The following RUNDC3A variants were observed in gnomAD, a reference collection of about 807,000 sequenced individuals.
RUNDC3A encodes the protein RUN domain containing 3A.
A neutral mutation model predicts 53.9 loss-of-function variants in RUNDC3A; 28 were observed. That is an observed-to-expected ratio of 0.52 (90% CI 0.38 to 0.71). The LOEUF is 0.71. RUNDC3A is among the 30% of genes least tolerant of loss of function. The pLI is 0.00. For synonymous variants in RUNDC3A, 232 were observed against 249.4 expected (o/e 0.93, Z 0.66); for missense variants, 491 against 597.3 (o/e 0.82, Z 1.85).
At chr17:44,316,315 C>T (rs1445807685) in intron 8 of RUNDC3A, 70 bp from the exon 9 acceptor site, 3 of 1,456,750 alleles carry the variant, frequency 2.1e-6, no homozygotes, top group South Asian at 2.4e-5. Context: ...CCTCCCTCAT[C>T]CCCTTGCTGA....
In RUNDC3A at chr17:44,315,109, G is replaced by C. The variant is rs750615224; in HGVS notation, c.630-46G>C. 6.2e-7 allele frequency: 1 copy of C among 1,600,530 alleles called. No individual in the cohort carries two copies. The highest frequency in any genetic ancestry group is 1.7e-4 in the Middle Eastern group (1 of 5,986). On this transcript the variant is annotated intron_variant, in intron 6 of 10. Transcript: ENST00000426726. The surrounding 1 kb of genome is among the most constrained non-coding windows in gnomAD (Gnocchi z 6.1). ...CCCTCAGCGGCCAGCGCAGACGCGC[G>C]GGGGGAGGGGCGGGACCGGCCGTGC...
intron 4 of RUNDC3A, 53 bp from the exon 5 acceptor site, chr17:44,314,682 G>GC (rs1393771783): frequency 5.5e-6 from 7 of 1,268,302 alleles, no homozygotes; most frequent in East Asian, 5.3e-5. Flanking sequence ...TCTGGGGGGG[G>GC]GGGGGGCGCT....
rs770957746 is a variant in RUNDC3A, at chr17:44,313,421, C to T, written c.376C>T (p.Arg126Trp). 4 of 1,613,808 alleles carry T rather than the reference C, an allele frequency of 2.5e-6. No homozygotes were observed. Among genetic ancestry groups the T allele is most frequent in the Non-Finnish European group, 2.5e-6 (3 of 1,179,862 alleles). The change falls in exon 4 of 11, where the codon CGG (arginine) becomes TGG (tryptophan). Residue 126 changes from arginine to tryptophan, a missense_variant. Transcript: ENST00000426726. ...TAAAGGTGAACATGATTTCCAGGGC[C>T]GGGCATGGATCCGGGTGGCACTGAT... The part of the protein sequence containing the change: ...ENISTARAKG[R>W]AWIRVALMEK...
In RUNDC3A at chr17:44,312,389, C is replaced by A. The variant is rs2047765015; in HGVS notation, c.108-191C>A. On this transcript the variant is annotated intron_variant, in intron 1 of 10. Coordinates refer to ENST00000426726, the MANE Select transcript of RUNDC3A (RefSeq NM_001144825.2). ...GTCACCCTTCCTCCCCATCTGCCAC[C>A]CTCTCACTCCACATGACACGGTACC... Among the ~76,000 whole-genome samples the A allele has an allele frequency of 2.0e-5, 3 of 152,230 alleles. No homozygotes were observed. In the Middle Eastern group the frequency reaches 0.01, roughly 518 times the overall value.
chr17:44,316,571 GGAA>G (rs1200427723), intron 9 of RUNDC3A, 45 bp from the exon 10 acceptor site: 2 of 1,582,504 alleles, frequency 1.3e-6, no homozygotes, highest in Admixed American at 1.8e-5. Flanking sequence ...GTCGTCCTGG[GGAA>G]GAAGGGCTTC....
rs2047769677 is a variant in RUNDC3A at position 44,312,609 on chromosome 17, A to G, written c.137A>G (p.Tyr46Cys). 3.8e-6 allele frequency: 6 copies of G among 1,579,596 alleles called. No homozygotes were observed. The highest frequency in any genetic ancestry group is 5.2e-6 in the Non-Finnish European group (6 of 1,163,054). ...TCTGTGAAAACGCTGCTGGAGAAGTACACAGCGGAGCCCATCGATGACTCA... is the reference window on the plus strand; with the variant it reads ...TCTGTGAAAACGCTGCTGGAGAAGTGCACAGCGGAGCCCATCGATGACTCA... ...RFSVKTLLEK[Y>C]TAEPIDDSSE... The change falls in exon 2 of 11, where the codon TAC becomes TGC. Residue 46 changes from tyrosine to cysteine, a missense_variant. Around this residue, in one of 2 missense-constraint regions of RUNDC3A, gnomAD observed 273 missense variants for 389.0 expected, o/e 0.70. Coordinates refer to ENST00000426726, the MANE Select transcript of RUNDC3A (RefSeq NM_001144825.2).
chr17:44,315,713 G>A lies in RUNDC3A; in HGVS notation c.953+104G>A, dbSNP rs968855000. On this transcript the variant is annotated intron_variant, in intron 8 of 10. Transcript: ENST00000426726. This position sits in a 1 kb window ranked among gnomAD's most constrained non-coding sequence, Gnocchi z 6.1. ...TCGACTCTAACATCACCCGACACGA[G>A]CACCCACCTCTCCAGCATCAACCCT... 4.7e-5 allele frequency: 50 copies of A among 1,074,382 alleles called. No homozygotes were observed. In the Middle Eastern group the frequency reaches 9.9e-4, roughly 21 times the overall value. 66.6% of individuals were successfully genotyped at this position (1,074,382 alleles called of 1,614,324 possible). A position where few individuals can be genotyped will look rare whatever the true frequency, so the allele number is the denominator to read the frequency against.
In RUNDC3A at chr17:44,318,581, C is replaced by T. The variant is rs1225615074; in HGVS notation, c.*343C>T. ...CTTCCACACCCCCACCTCCCAGTCT[C>T]TAGCCTCTCCATCTGTCTGTGTATG... On this transcript the variant is annotated 3_prime_UTR_variant, in exon 11 of 11. Coordinates refer to ENST00000426726, the MANE Select transcript of RUNDC3A (RefSeq NM_001144825.2). 3.4e-6 allele frequency: 1 copy of T among 297,750 alleles called. No homozygotes were observed. Among genetic ancestry groups the T allele is most frequent in the African/African-American group, 2.1e-5 (1 of 47,226 alleles). The allele number at this position is 297,750 out of a possible 1,614,324, so 18.4% of individuals were successfully genotyped here.
At chr17:44,312,041 G>T (rs757857271) in intron 1 of RUNDC3A, among the ~76,000 whole-genome samples, 2 of 152,160 alleles carry the variant, frequency 1.3e-5, no homozygotes, top group African/African-American at 4.8e-5. Flanking sequence ...GGCCACCTGC[G>T]CATGCCCACA....
intron 1 of RUNDC3A, among the ~76,000 whole-genome samples, chr17:44,310,465 T>C (rs1464911367): frequency 6.6e-6 from 1 of 152,154 alleles, no homozygotes; most frequent in Non-Finnish European, 1.5e-5. Context: ...CTCCTTGACA[T>C]AGGCCAGAGA....
In RUNDC3A at chr17:44,316,414, C is replaced by T; in HGVS notation, c.983C>T (p.Pro328Leu). The T allele has an allele frequency of 6.8e-6, 11 of 1,613,882 alleles. No homozygotes were observed. The highest frequency in any genetic ancestry group is 8.5e-6 in the Non-Finnish European group (10 of 1,179,838). Residue 328 changes from proline to leucine, a missense_variant, in exon 9 of 11, where the codon CCT becomes CTT. By Grantham distance (98) the Pro-to-Leu change is moderately conservative. This residue lies in a region of RUNDC3A where 218 missense variants were observed against 208.2 expected (regional missense o/e 1.05). Coordinates refer to ENST00000426726, the MANE Select transcript of RUNDC3A (RefSeq NM_001144825.2). ...GGTCTGATCCCCAGTGACCACGCCCCTCTGGCCCAGGGTTCCAAGGAGCTC... is the reference window on the plus strand; with the variant it reads ...GGTCTGATCCCCAGTGACCACGCCCTTCTGGCCCAGGGTTCCAAGGAGCTC... Reference protein sequence around the residue: ...LTGLIPSDHAPLAQGSKELTT... With the variant: ...LTGLIPSDHALLAQGSKELTT...
chr17:44,314,477 G>T, intron 4 of RUNDC3A: 1 of 1,392,178 alleles, frequency 7.2e-7, no homozygotes, highest in Non-Finnish European at 9.3e-7. Flanking sequence ...TGAAGGATCT[G>T]GGTAACCCAG....
chr17:44,316,446 C>T lies in RUNDC3A; in HGVS notation c.1015C>T (p.Pro339Ser), dbSNP rs771802762. The change falls in exon 9 of 11, where the codon CCC becomes TCC. Residue 339 changes from proline (P) to serine (S), a missense_variant. By Grantham distance (74) the Pro-to-Ser change is moderately conservative (BLOSUM62 -1). Around this residue, in one of 2 missense-constraint regions of RUNDC3A, gnomAD observed 218 missense variants for 208.2 expected, o/e 1.05. Coordinates refer to ENST00000426726, the MANE Select transcript of RUNDC3A (RefSeq NM_001144825.2). ...CCAGGGTTCCAAGGAGCTCACTACA[C>T]CCCTGGTCAATCAATGGCCCTCACT... ...LAQGSKELTT[P>S]LVNQWPSLGT... The T allele has an allele frequency of 5.6e-6, 9 of 1,613,806 alleles. No individual in the cohort carries two copies. Among genetic ancestry groups the T allele is most frequent in the Non-Finnish European group, 7.6e-6 (9 of 1,179,850 alleles).
At position 44,318,195 on chromosome 17, in the gene RUNDC3A, T is replaced by A; in HGVS notation, c.1298T>A (p.Val433Glu). 6.4e-7 allele frequency: 1 copy of A among 1,551,384 alleles called. No individual in the cohort carries two copies. Among genetic ancestry groups the A allele is most frequent in the South Asian group, 1.2e-5 (1 of 84,062 alleles). ...LASFKSNECL[V>E]SDSPEGSPAL... is the part of the protein sequence containing the mutation. ...AGCTTCAAATCCAACGAGTGCCTGG[T>A]GAGCGACAGTCCCGAGGGCAGCCCA... Residue 433 changes from valine to glutamate, a missense_variant, in exon 11 of 11, where the codon GTG becomes GAG. Coordinates refer to ENST00000426726, the MANE Select transcript of RUNDC3A (RefSeq NM_001144825.2).
chr17:44,314,330 C>G (rs2047809907), intron 4 of RUNDC3A: 1 of 1,025,654 alleles, frequency 9.7e-7, no homozygotes, highest in East Asian at 9.2e-5. Context: ...GGGCATATAC[C>G]TCCCCATCCC....
chr17:44,311,909 C>T (rs1047618725), intron 1 of RUNDC3A, among the ~76,000 whole-genome samples: 2 of 152,068 alleles, frequency 1.3e-5, no homozygotes, highest in South Asian at 2.1e-4. Context: ...GCCCATACCC[C>T]GCACCTCCCC....
At chr17:44,317,350 G>A (rs896499579) in intron 10 of RUNDC3A, 1 of 721,454 alleles carries the variant, frequency 1.4e-6, no homozygotes. Flanking sequence ...TGAGGGCTCA[G>A]TGGTTTTTTA....
rs1295423865 is a variant in RUNDC3A at position 44,314,378 on chromosome 17, C to T, written c.459-357C>T. 15 of 1,066,644 alleles carry T rather than the reference C, an allele frequency of 1.4e-5. No homozygotes were observed. The Admixed American group carries it at 7.0e-4, about 50-fold the overall frequency. The allele number at this position is 1,066,644 out of a possible 1,614,324, so 66.1% of individuals were successfully genotyped here. On this transcript the variant is annotated intron_variant, in intron 4 of 10. Coordinates refer to ENST00000426726, the MANE Select transcript of RUNDC3A (RefSeq NM_001144825.2). ...CCAGCCTGATGTTTTTACTGAATTC[C>T]ATTCCTCAGTCTACACGTTTCAAGT...
At chr17:44,312,787 C>A (rs1482203989) in intron 2 of RUNDC3A, 92 bp downstream of exon 2, 2 of 620,640 alleles carry the variant, frequency 3.2e-6, no homozygotes, top group Admixed American at 5.8e-5. Context: ...GCGGTCCCTC[C>A]CCAACTCCCA....
Sources: gnomAD v4.1 joint callset for allele counts (sites outside exome capture counted in the v4.1 genomes callset) on GRCh38, gnomAD v4.1.1 for gene constraint, gnomAD v4.1.1 regional missense constraint, Gnocchi (gnomAD v3.1) non-coding constraint, MANE v1.5 for transcripts, NCBI Gene and HGNC (gene_info 2026-07-23, HGNC 2026-07-21) for gene names.